The following RFX3 variants were observed in gnomAD, a reference collection of about 807,000 sequenced individuals.
RFX3 encodes the protein transcription factor RFX3.
A neutral mutation model predicts 98.6 loss-of-function variants in RFX3; 14 were observed. That is an observed-to-expected ratio of 0.14 (90% CI 0.09 to 0.22). The LOEUF (loss-of-function observed/expected upper bound fraction) is 0.22. RFX3 is among the 10% of genes least tolerant of loss of function. RFX3 has a pLI of 1.00. For missense variants in RFX3, 639 were observed against 926.9 expected, an observed-to-expected ratio of 0.69 and a Z score of 4.03; for synonymous variants, 383 against 328.4, an observed-to-expected ratio of 1.17 and a Z score of -1.80.
chr9:3,469,241 G>T, intron 1 of RFX3: 1 of 451,880 alleles, frequency 2.2e-6, no homozygotes, highest in Non-Finnish European at 4.4e-6. Context: ...TTCAATGTAG[G>T]AACACAAATA....
At chr9:3,279,548 A>G (rs1030517843) in intron 7 of RFX3, among the ~76,000 whole-genome samples, 2 of 151,866 alleles carry the variant, frequency 1.3e-5, no homozygotes, top group African/African-American at 4.8e-5. Flanking sequence ...CCTACAAAGC[A>G]TTTAACATAC....
intron 1 of RFX3, among the ~76,000 whole-genome samples, chr9:3,511,614 T>C (rs1255354719): frequency 6.6e-6 from 1 of 152,048 alleles, no homozygotes; most frequent in Non-Finnish European, 1.5e-5. Context: ...AGATAGTTGG[T>C]TCTCTTCCCT....
intron 14 of RFX3, among the ~76,000 whole-genome samples, chr9:3,252,704 T>G (rs1821587608): frequency 6.6e-6 from 1 of 152,114 alleles, no homozygotes; most frequent in South Asian, 2.1e-4. Flanking sequence ...GGCCTTTGGA[T>G]TTCATTCTGA....
At chr9:3,454,692 C>G (rs1192403366) in intron 1 of RFX3, among the ~76,000 whole-genome samples, 1 of 152,198 alleles carries the variant, frequency 6.6e-6, no homozygotes, top group Admixed American at 6.5e-5. Context: ...AAATCCCATT[C>G]TATGACTAGG....
At chr9:3,359,278 T>C (rs74709399) in intron 2 of RFX3, among the ~76,000 whole-genome samples, 10,826 of 152,098 alleles carry the variant, frequency 0.071, 475 homozygotes, top group African/African-American at 0.12. Context: ...ATTCTACCAG[T>C]GAGAAGTTAA....
At chr9:3,371,987 A>T (rs947035048) in intron 2 of RFX3, among the ~76,000 whole-genome samples, 3 of 152,152 alleles carry the variant, frequency 2.0e-5, no homozygotes, top group African/African-American at 7.2e-5. Context: ...CACAATAGAG[A>T]TTACCTAAGG....
At chr9:3,247,397 C>CT in intron 15 of RFX3, 2 of 907,044 alleles carry the variant, frequency 2.2e-6, no homozygotes, top group Non-Finnish European at 2.6e-6. Context: ...AAAAAAATCT[C>CT]TACCATTTTT....
At chr9:3,441,846 G>A (rs1845635854) in intron 1 of RFX3, among the ~76,000 whole-genome samples, 1 of 151,934 alleles carries the variant, frequency 6.6e-6, no homozygotes, top group Admixed American at 6.6e-5. Flanking sequence ...CCCCTCCTTG[G>A]GCATAGGCTA....
chr9:3,424,859 T>C (rs1304199477), intron 1 of RFX3, among the ~76,000 whole-genome samples: 2 of 152,268 alleles, frequency 1.3e-5, no homozygotes, highest in Middle Eastern at 3.4e-3. Context: ...AGAATAATAC[T>C]AGTCTCAAGA....
Position 3,221,605 on chromosome 9 carries a change from C to G in RFX3, c.*3437G>C, listed in dbSNP as rs1817343719. 1 of 152,108 alleles carries G rather than the reference C, an allele frequency of 6.6e-6. No homozygotes were observed. The highest frequency in any genetic ancestry group is 2.4e-5 in the African/African-American group (1 of 41,458). 9.4% of individuals were successfully genotyped at this position (152,108 alleles called of 1,614,324 possible). On this transcript the variant is annotated 3_prime_UTR_variant, in exon 17 of 17. Transcript: ENST00000617270. ...AAGACTTATACAGTCAGTCCAAACA[C>G]AGTTTGGATGAAAATCCTGAATAAG...
chr9:3,516,841 A>G (rs1221200433), intron 1 of RFX3, among the ~76,000 whole-genome samples: 1 of 152,152 alleles, frequency 6.6e-6, no homozygotes, highest in East Asian at 1.9e-4. Flanking sequence ...AATGTCAGAC[A>G]CTTGTCTGGC....
chr9:3,424,562 G>A (rs1033416778), intron 1 of RFX3, among the ~76,000 whole-genome samples: 21 of 151,192 alleles, frequency 1.4e-4, no homozygotes, highest in East Asian at 5.9e-4. Flanking sequence ...GGGCTTCACC[G>A]TGTTAGCCGG....
chr9:3,316,965 T>C (rs10813935), intron 4 of RFX3, among the ~76,000 whole-genome samples: 12,967 of 152,194 alleles, frequency 0.085, 925 homozygotes, highest in East Asian at 0.42. Flanking sequence ...ATAGATTCAA[T>C]GCCATCCCCA....
At chr9:3,470,785 CAG>C (rs1848709399) in intron 1 of RFX3, among the ~76,000 whole-genome samples, 1 of 152,246 alleles carries the variant, frequency 6.6e-6, no homozygotes, top group South Asian at 2.1e-4. Flanking sequence ...TGCATATAAA[CAG>C]AGTACAACTG....
At chr9:3,524,311 A>C (rs1349333935) in intron 1 of RFX3, among the ~76,000 whole-genome samples, 1 of 152,218 alleles carries the variant, frequency 6.6e-6, no homozygotes, top group East Asian at 1.9e-4. Context: ...TAAGTATTCA[A>C]ATCTACAGAG....
intron 1 of RFX3, among the ~76,000 whole-genome samples, chr9:3,429,832 G>C (rs1844484864): frequency 6.6e-6 from 1 of 152,140 alleles, no homozygotes; most frequent in Admixed American, 6.5e-5. Context: ...AGATGGACTT[G>C]ATATCTCCCT....
At chr9:3,453,905 G>T (rs987343469) in intron 1 of RFX3, among the ~76,000 whole-genome samples, 1 of 151,596 alleles carries the variant, frequency 6.6e-6, no homozygotes, top group Non-Finnish European at 1.5e-5. Flanking sequence ...CGGTCTTTTT[G>T]CTTTAGTTCA....
intron 1 of RFX3, among the ~76,000 whole-genome samples, chr9:3,505,238 A>ATTTATATATATATGAATATATG (rs1564186821): frequency 4.5e-5 from 4 of 88,112 alleles, no homozygotes; most frequent in African/African-American, 2.3e-4. Context: ...ATGAATATAT[A>ATTTATATATATATGAATATATG]TTTATATATA....
intron 15 of RFX3, among the ~76,000 whole-genome samples, chr9:3,231,457 T>C (rs1818432223): frequency 6.6e-6 from 1 of 152,186 alleles, no homozygotes; most frequent in Admixed American, 6.5e-5. Context: ...CCAGGCACTA[T>C]GCCAGCCAAT....
Sources: gnomAD v4.1 joint callset for allele counts (sites outside exome capture counted in the v4.1 genomes callset) on GRCh38, gnomAD v4.1.1 for gene constraint, MANE v1.5 for transcripts, NCBI Gene and HGNC (gene_info 2026-07-23, HGNC 2026-07-21) for gene names.